Variants in MLLT10 observed in about 807,000 individuals in gnomAD.
The protein encoded by MLLT10 is protein AF-10.
Under a neutral mutation model 129.1 loss-of-function variants are expected in MLLT10, and 30 were observed. The ratio of observed to expected loss-of-function variants is 0.23; its 90% CI spans 0.17 to 0.32. The LOEUF is 0.32. Ranked by LOEUF, MLLT10 falls within the 10% of genes least tolerant of loss-of-function variation. MLLT10 has a pLI of 1.00. For synonymous variants in MLLT10, 490 were observed against 446.4 expected, an observed-to-expected ratio of 1.10 and a Z score of -1.23; for missense variants, 1,119 against 1,268.3, an observed-to-expected ratio of 0.88 and a Z score of 1.79.
intron 3 of MLLT10, among the ~76,000 whole-genome samples, chr10:21,542,777 G>A (rs900892500): frequency 1.3e-5 from 2 of 152,080 alleles, no homozygotes; most frequent in East Asian, 1.9e-4. Context: ...TCCTAGCTAC[G>A]TGGGAGGCCG....
At chr10:21,621,092 T>C (rs1388682387) in intron 8 of MLLT10, among the ~76,000 whole-genome samples, 7 of 150,640 alleles carry the variant, frequency 4.6e-5, no homozygotes, top group Non-Finnish European at 1.0e-4. Context: ...CACGCCATTC[T>C]CCTGTCTCAG....
At position 21,742,015 on chromosome 10, in the gene MLLT10, T is replaced by TA. The variant is rs751096215; in HGVS notation, c.*32_*33insA. 7.0e-5 allele frequency: 113 copies of TA among 1,608,202 alleles called. No homozygotes were observed. The African/African-American group carries it at 1.4e-3, about 20-fold the overall frequency. On this transcript the variant is annotated 3_prime_UTR_variant, in exon 23 of 23. Transcript: ENST00000307729. The stretch of plus-strand genomic sequence containing the variant: ...AGAAACATCTAGAAATTGCCTATCC[T>TA]GCTGTTCTAGCACTTCATCTGGCTG...
intron 4 of MLLT10, among the ~76,000 whole-genome samples, chr10:21,590,738 CTT>C (rs555664299): frequency 5.3e-4 from 81 of 152,174 alleles, no homozygotes; most frequent in African/African-American, 1.9e-3. Flanking sequence ...CTGGTTTTTT[CTT>C]TGTTTTTATT....
rs754175200 is a variant in MLLT10 at position 21,740,115 on chromosome 10, C to T, written c.3041C>T (p.Pro1014Leu). The change falls in exon 22 of 23, where the codon CCT (proline) becomes CTT (leucine). Residue 1014 changes from proline to leucine, a missense_variant. By Grantham distance (98) the Pro-to-Leu change is moderately conservative. Around this residue, in one of 5 missense-constraint regions of MLLT10, gnomAD observed 1,004 missense variants for 1,008.7 expected, o/e 1.00. Coordinates refer to ENST00000307729, the MANE Select transcript of MLLT10 (RefSeq NM_001195626.3). ...HQPELQQLQI[P>L]GPTQIPINNL... ...CCTGAACTTCAGCAGCTGCAGATCC[C>T]TGGACCAACACAAATACCCATAAAC... 7.4e-6 allele frequency: 12 copies of T among 1,613,992 alleles called. No individual in the cohort carries two copies. The highest frequency in any genetic ancestry group is 9.3e-6 in the Non-Finnish European group (11 of 1,180,040).
At chr10:21,559,276 G>T (rs908870197) in intron 3 of MLLT10, among the ~76,000 whole-genome samples, 3 of 152,158 alleles carry the variant, frequency 2.0e-5, no homozygotes, top group Non-Finnish European at 4.4e-5. Flanking sequence ...TAGAGAAGGG[G>T]TTTCACTATG....
intron 8 of MLLT10, among the ~76,000 whole-genome samples, chr10:21,628,431 C>T (rs1446248697): frequency 7.8e-5 from 9 of 115,996 alleles, no homozygotes; most frequent in East Asian, 4.5e-4. Flanking sequence ...GATGCTCTCT[C>T]TTTTTTTTTT....
chr10:21,569,861 A>G (rs2040012249), intron 3 of MLLT10, among the ~76,000 whole-genome samples: 1 of 152,066 alleles, frequency 6.6e-6, no homozygotes, highest in African/African-American at 2.4e-5. Flanking sequence ...CCGAGTAGCT[A>G]GAAGGACCAC....
At chr10:21,738,327 G>A (rs2131592599) in intron 21 of MLLT10, 9 of 1,055,614 alleles carry the variant, frequency 8.5e-6, no homozygotes, top group South Asian at 7.4e-5. Flanking sequence ...CTTACCAGTT[G>A]CCTCATCTTA....
chr10:21,545,686 A>G (rs544732281), intron 3 of MLLT10, among the ~76,000 whole-genome samples: 1 of 152,338 alleles, frequency 6.6e-6, no homozygotes, highest in African/African-American at 2.4e-5. Context: ...GTATGTATTT[A>G]GAGACAGGGT....
chr10:21,640,910 G>C (rs376951396), intron 8 of MLLT10, among the ~76,000 whole-genome samples: 1 of 152,182 alleles, frequency 6.6e-6, no homozygotes, highest in Non-Finnish European at 1.5e-5. Flanking sequence ...TGAATCAGGG[G>C]CTTAGGTTTC....
chr10:21,728,730 T>C (rs577167494), intron 16 of MLLT10, among the ~76,000 whole-genome samples: 1 of 152,226 alleles, frequency 6.6e-6, no homozygotes, highest in Admixed American at 6.5e-5. Flanking sequence ...GAAACGTGAT[T>C]AAAAATGAAA....
At chr10:21,619,472 A>T (rs1021856349) in intron 8 of MLLT10, among the ~76,000 whole-genome samples, 1 of 152,216 alleles carries the variant, frequency 6.6e-6, no homozygotes, top group Non-Finnish European at 1.5e-5. Context: ...TATAGTGCTG[A>T]TGACTACACG....
chr10:21,550,117 TG>T (rs2130943702), intron 3 of MLLT10, among the ~76,000 whole-genome samples: 1 of 152,312 alleles, frequency 6.6e-6, no homozygotes, highest in East Asian at 1.9e-4. Flanking sequence ...AGACTTGGAT[TG>T]GTAGCTGCAG....
chr10:21,594,337 G>T (rs2131127132), intron 4 of MLLT10, among the ~76,000 whole-genome samples: 1 of 151,912 alleles, frequency 6.6e-6, no homozygotes, highest in South Asian at 2.1e-4. Flanking sequence ...ATCACCTGAG[G>T]TCGGGAGTTC....
chr10:21,558,213 A>G (rs1172690145), intron 3 of MLLT10, among the ~76,000 whole-genome samples: 1 of 151,534 alleles, frequency 6.6e-6, no homozygotes, highest in African/African-American at 2.4e-5. Context: ...GACCTCCCAA[A>G]GTGCTGGGAC....
At chr10:21,623,267 T>A (rs925802067) in intron 8 of MLLT10, among the ~76,000 whole-genome samples, 7 of 152,236 alleles carry the variant, frequency 4.6e-5, no homozygotes, top group African/African-American at 1.7e-4. Context: ...GGGGTAGGAC[T>A]TAAGGTTCCA....
intron 5 of MLLT10, among the ~76,000 whole-genome samples, chr10:21,602,584 A>G (rs939509198): frequency 1.3e-5 from 2 of 152,202 alleles, no homozygotes; most frequent in African/African-American, 4.8e-5. Flanking sequence ...CTAGGGGCAT[A>G]TAGATCATTT....
chr10:21,564,220 A>G (rs1292114015), intron 3 of MLLT10, among the ~76,000 whole-genome samples: 2 of 152,016 alleles, frequency 1.3e-5, no homozygotes, highest in African/African-American at 4.8e-5. Context: ...CGTAGCTGGG[A>G]CTATGGGTGT....
In MLLT10 at chr10:21,695,686, T is replaced by G. The variant is rs144149953; in HGVS notation, c.1699+13429T>G. On this transcript the variant is annotated intron_variant, in intron 13 of 22. Transcript: ENST00000307729. The stretch of plus-strand genomic sequence containing the variant: ...GGGGATTGGTTCCTTCCATGTTTCC[T>G]TATTTTGGATTGTGAACTTAAGTTT... Among the ~76,000 whole-genome samples the G allele has an allele frequency of 4.8e-3, 731 of 152,314 alleles. 9 individuals carry two copies. The highest frequency in any genetic ancestry group is 0.017 in the African/African-American group (702 of 41,564).
Sources: allele counts gnomAD v4.1 joint callset (sites outside exome capture counted in the v4.1 genomes callset), GRCh38; gene constraint gnomAD v4.1.1; regional missense constraint gnomAD v4.1.1; transcripts MANE v1.5; gene names NCBI Gene and HGNC (gene_info 2026-07-23, HGNC 2026-07-21).